Variants in CNTN1 observed in about 807,000 individuals in gnomAD.
CNTN1 encodes contactin-1.
In CNTN1, 38 loss-of-function variants were observed where a neutral mutation model predicts 126.4. The observed-to-expected ratio is 0.30, with a 90% confidence interval of 0.23 to 0.39. CNTN1 has a LOEUF of 0.39. Among genes scored for constraint, CNTN1 ranks in the 10% least tolerant of loss-of-function variants. The pLI is 1.00. For missense variants in CNTN1, 1,009 were observed against 1,248.4 expected (o/e 0.81, Z 2.89); for synonymous variants, 413 against 422.6 (o/e 0.98, Z 0.28).
Position 41,070,046 on chromosome 12 carries a change from A to G in CNTN1, c.*11A>G, listed in dbSNP as rs368625760. ...TACTTGGAATTCTGAATGTGTTGTG[A>G]CAGCTGCTGTTCCCATCCCAGCTCA... On this transcript the variant is annotated 3_prime_UTR_variant, in exon 24 of 24. Transcript: ENST00000551295. 30 of 1,612,790 alleles carry G rather than the reference A, an allele frequency of 1.9e-5. No homozygotes were observed. The highest frequency in any genetic ancestry group is 2.2e-5 in the Non-Finnish European group (26 of 1,179,060).
At chr12:40,969,011 G>T (rs1395564664) in intron 15 of CNTN1, among the ~76,000 whole-genome samples, 1 of 152,118 alleles carries the variant, frequency 6.6e-6, no homozygotes, top group Non-Finnish European at 1.5e-5. Flanking sequence ...TTTAAAATTA[G>T]AATTTCATTA....
chr12:40,742,757 T>A (rs1264472984), intron 1 of CNTN1, among the ~76,000 whole-genome samples: 2 of 152,048 alleles, frequency 1.3e-5, no homozygotes, highest in Non-Finnish European at 1.5e-5. Context: ...CAATCAGTTT[T>A]CAGTCCTTAA....
chr12:40,917,068 G>T (rs1565942884), intron 3 of CNTN1, among the ~76,000 whole-genome samples: 2 of 128,384 alleles, frequency 1.6e-5, no homozygotes, highest in South Asian at 6.4e-4. Context: ...GGGCGGGGGG[G>T]GGGGCAGAAC....
chr12:40,820,159 G>T (rs1186309828), intron 1 of CNTN1, among the ~76,000 whole-genome samples: 1 of 152,190 alleles, frequency 6.6e-6, no homozygotes, highest in Non-Finnish European at 1.5e-5. Flanking sequence ...GTGCAGAGAT[G>T]ACATGGTAAG....
chr12:40,694,507 A>C (rs1941397557), intron 1 of CNTN1, among the ~76,000 whole-genome samples: 1 of 152,204 alleles, frequency 6.6e-6, no homozygotes, highest in African/African-American at 2.4e-5. Context: ...ACTGCATAGC[A>C]GTTTCCCCTC....
intron 1 of CNTN1, among the ~76,000 whole-genome samples, chr12:40,848,390 A>T (rs1783972457): frequency 6.6e-6 from 1 of 152,072 alleles, no homozygotes; most frequent in Admixed American, 6.6e-5. Context: ...TCATATTGTT[A>T]CCTCATTTAT....
chr12:41,027,292 T>C (rs1949056411), intron 21 of CNTN1, among the ~76,000 whole-genome samples: 1 of 152,026 alleles, frequency 6.6e-6, no homozygotes. Context: ...TAAGTGTCAG[T>C]ACTTAGGGAA....
chr12:40,940,161 T>C (rs2136940662), intron 12 of CNTN1, among the ~76,000 whole-genome samples: 2 of 151,832 alleles, frequency 1.3e-5, no homozygotes, highest in East Asian at 3.9e-4. Flanking sequence ...AGGGATGGGA[T>C]GTGTGGGTTG....
chr12:40,911,974 T>G (rs1945054087), intron 3 of CNTN1, among the ~76,000 whole-genome samples: 1 of 150,762 alleles, frequency 6.6e-6, no homozygotes, highest in Non-Finnish European at 1.5e-5. Context: ...CAACCAACAA[T>G]GTCTGCGAAT....
chr12:40,893,033 G>A (rs1485660787), intron 1 of CNTN1, among the ~76,000 whole-genome samples: 1 of 150,154 alleles, frequency 6.7e-6, no homozygotes, highest in Non-Finnish European at 1.5e-5. Context: ...ATATTAAATA[G>A]AAACATTCTG....
chr12:40,986,289 A>G (rs1034733704), intron 16 of CNTN1, among the ~76,000 whole-genome samples: 1 of 152,176 alleles, frequency 6.6e-6, no homozygotes, highest in Non-Finnish European at 1.5e-5. Flanking sequence ...CTTTTTGCTC[A>G]ATTCCAAACA....
At chr12:41,003,601 G>T (rs866858188) in intron 17 of CNTN1, among the ~76,000 whole-genome samples, 7 of 150,988 alleles carry the variant, frequency 4.6e-5, no homozygotes, top group Non-Finnish European at 1.0e-4. Context: ...TGGTTAGTTG[G>T]CTATTTATTA....
At chr12:40,926,191 A>AGATAGAT (rs1201016596) in intron 6 of CNTN1, among the ~76,000 whole-genome samples, 1 of 151,398 alleles carries the variant, frequency 6.6e-6, no homozygotes, top group Non-Finnish European at 1.5e-5. Context: ...ATAGATAGAT[A>AGATAGAT]GATAGATAGA....
At chr12:40,854,308 G>A (rs1942822085) in intron 1 of CNTN1, among the ~76,000 whole-genome samples, 6 of 152,034 alleles carry the variant, frequency 3.9e-5, no homozygotes, top group Non-Finnish European at 8.8e-5. Context: ...TTAGATGAAT[G>A]TGAAAAGACT....
At chr12:40,897,930 C>T (rs1179833333) in intron 1 of CNTN1, among the ~76,000 whole-genome samples, 1 of 152,144 alleles carries the variant, frequency 6.6e-6, no homozygotes, top group African/African-American at 2.4e-5. Context: ...ATTTAAGGTG[C>T]CATGATTTTA....
chr12:40,980,993 A>T lies in CNTN1; in HGVS notation c.1889A>T (p.Asn630Ile). The T allele has an allele frequency of 6.2e-7, 1 of 1,613,840 alleles. No individual in the cohort carries two copies. Among genetic ancestry groups the T allele is most frequent in the Non-Finnish European group, 8.5e-7 (1 of 1,179,810 alleles). The part of the protein sequence containing the change: ...VALTWSRGSD[N>I]HSPISKYTIQ... Reference sequence around the variant, plus strand: ...CTTACTTGGAGCCGTGGTTCAGACAATCATAGTCCTATTTCTAAATACACT... The same window carrying T: ...CTTACTTGGAGCCGTGGTTCAGACATTCATAGTCCTATTTCTAAATACACT... The change falls in exon 16 of 24, where the codon AAT (asparagine) becomes ATT (isoleucine). Residue 630 changes from asparagine (N) to isoleucine (I), a missense_variant. Physicochemically the swap from Asn to Ile is moderately radical, Grantham distance 149. Coordinates refer to ENST00000551295, the MANE Select transcript of CNTN1 (RefSeq NM_001843.4).
intron 1 of CNTN1, among the ~76,000 whole-genome samples, chr12:40,903,990 T>C (rs1944706913): frequency 1.3e-5 from 2 of 152,124 alleles, no homozygotes; most frequent in Admixed American, 6.5e-5. Context: ...GCCCCAGTAA[T>C]AGACATTTTC....
intron 1 of CNTN1, among the ~76,000 whole-genome samples, chr12:40,843,141 T>C (rs1344352925): frequency 6.6e-6 from 1 of 152,146 alleles, no homozygotes; most frequent in African/African-American, 2.4e-5. Context: ...ACATACCTGA[T>C]CCTAAGTCTA....
At chr12:40,914,827 A>G (rs1169641162) in intron 3 of CNTN1, among the ~76,000 whole-genome samples, 3 of 152,124 alleles carry the variant, frequency 2.0e-5, no homozygotes. Context: ...AGCATAAGGC[A>G]CCAATGTTAT....
Sources: gnomAD v4.1 joint callset for allele counts (sites outside exome capture counted in the v4.1 genomes callset) on GRCh38, gnomAD v4.1.1 for gene constraint, MANE v1.5 for transcripts, NCBI Gene and HGNC (gene_info 2026-07-23, HGNC 2026-07-21) for gene names.